ACOT13: variants seen among roughly 807,000 people sequenced by gnomAD.
ACOT13 encodes acyl-CoA thioesterase 13, also known as acyl-coenzyme A thioesterase 13.
ACOT13 carries 10 observed loss-of-function variants against 11.8 expected under a neutral mutation model. The observed-to-expected ratio is 0.85, with a 90% CI of 0.53 to 1.44. The LOEUF (loss-of-function observed/expected upper bound fraction) is 1.44. Among genes scored for constraint, ACOT13 ranks in the 40% most tolerant of loss-of-function variants. ACOT13 has a pLI of 0.00. For synonymous variants in ACOT13, 53 were observed against 61.0 expected, an observed-to-expected ratio of 0.87 and a Z score of 0.61; for missense variants, 172 against 174.1, an observed-to-expected ratio of 0.99 and a Z score of 0.07.
At chr6:24,678,180 A>G (rs546318878) in intron 1 of ACOT13, among the ~76,000 whole-genome samples, 18 of 152,304 alleles carry the variant, frequency 1.2e-4, no homozygotes, top group African/African-American at 3.8e-4. Context: ...ATTGGGTTCA[A>G]AGGATCTTCA....
chr6:24,697,809 T>G, intron 1 of ACOT13, 74 bp from the exon 2 acceptor site: 8 of 1,253,410 alleles, frequency 6.4e-6, no homozygotes, highest in African/African-American at 1.5e-5. Context: ...GTTCAATCCA[T>G]TGTTCTTCAT....
chr6:24,680,587 G>C (rs796649361), intron 1 of ACOT13, among the ~76,000 whole-genome samples: 2 of 152,222 alleles, frequency 1.3e-5, no homozygotes, highest in African/African-American at 4.8e-5. Context: ...TAGCAGTCCT[G>C]CACCTATTTT....
chr6:24,672,512 G>A (rs12210663), intron 1 of ACOT13, among the ~76,000 whole-genome samples: 22,312 of 152,112 alleles, frequency 0.15, 1,843 homozygotes, highest in Non-Finnish European at 0.19. Flanking sequence ...GGTGGCACGC[G>A]TCTGTAGTCC....
At chr6:24,677,515 C>A (rs940368072) in intron 1 of ACOT13, among the ~76,000 whole-genome samples, 4 of 152,238 alleles carry the variant, frequency 2.6e-5, no homozygotes, top group African/African-American at 9.6e-5. Context: ...ACATCAATTT[C>A]CTTACTCAGG....
Position 24,685,332 on chromosome 6 carries a change from C to CTTTT in ACOT13, c.82-12522_82-12519dup, listed in dbSNP as rs563020332. Among the ~76,000 whole-genome samples the CTTTT allele has an allele frequency of 6.1e-4, 71 of 116,730 alleles. 4 individuals are homozygous for CTTTT. The highest frequency in any genetic ancestry group is 9.4e-4 in the Non-Finnish European group (52 of 55,502). The allele number at this position is 116,730 out of a possible 152,430, so 76.6% of individuals were successfully genotyped here. A position where few individuals can be genotyped will look rare whatever the true frequency, so the allele number is the denominator to read the frequency against. ...ACATGGTCTCTTTCCTTTTACTGTA[C>CTTTT]TTTTTTTTTTTTTTTTTTTTTTTTT... On this transcript the variant is annotated intron_variant, in intron 1 of 2. Coordinates refer to ENST00000230048, the MANE Select transcript of ACOT13 (RefSeq NM_018473.4).
rs1341369764 is a variant in ACOT13, at chr6:24,704,358, A to C, written c.*2743A>C. The C allele has an allele frequency of 2.6e-5, 4 of 152,232 alleles. No individual in the cohort carries two copies. The highest frequency in any genetic ancestry group is 9.6e-5 in the African/African-American group (4 of 41,460). 9.4% of individuals were successfully genotyped at this position (152,232 alleles called of 1,614,324 possible). A position where few individuals can be genotyped will look rare whatever the true frequency, so the allele number is the denominator to read the frequency against. ...ATAAAAACGTAAACAATGGCTGCCA[A>C]AATGCCTAACTTGGTGAACATAAGT... On this transcript the variant is annotated 3_prime_UTR_variant, in exon 3 of 3. Transcript: ENST00000230048.
At chr6:24,696,097 C>G (rs1778791254) in intron 1 of ACOT13, among the ~76,000 whole-genome samples, 1 of 152,010 alleles carries the variant, frequency 6.6e-6, no homozygotes. Context: ...ACAAAAAACC[C>G]AACAACAAAA....
intron 2 of ACOT13, among the ~76,000 whole-genome samples, chr6:24,698,378 C>G (rs1778833973): frequency 6.6e-6 from 1 of 152,190 alleles, no homozygotes; most frequent in Admixed American, 6.5e-5. Flanking sequence ...ATAACTGTTT[C>G]ATACAGTCCT....
intron 1 of ACOT13, among the ~76,000 whole-genome samples, chr6:24,676,799 C>T (rs1028529599): frequency 6.6e-6 from 1 of 152,180 alleles, no homozygotes; most frequent in Non-Finnish European, 1.5e-5. Flanking sequence ...TCTGGTGACT[C>T]TGGCAGTGTA....
intron 1 of ACOT13, among the ~76,000 whole-genome samples, chr6:24,682,087 C>A (rs1440848509): frequency 2.0e-5 from 3 of 152,300 alleles, no homozygotes; most frequent in African/African-American, 7.2e-5. Flanking sequence ...CGTCCCCAAC[C>A]CAGAAGGGTT....
At chr6:24,689,253 T>TA (rs1006076716) in intron 1 of ACOT13, among the ~76,000 whole-genome samples, 6 of 151,984 alleles carry the variant, frequency 3.9e-5, no homozygotes, top group East Asian at 1.9e-4. Flanking sequence ...TTTGTGATGG[T>TA]AAAAAAAATA....
rs1562164508 is a variant in ACOT13 at position 24,702,155 on chromosome 6, G to A, written c.*540G>A. On this transcript the variant is annotated 3_prime_UTR_variant, in exon 3 of 3. Transcript: ENST00000230048. ...AAATGGAGTCTCGCTCTGTTGCCCA[G>A]GCTGGAGTACAGCAGCACGATCTCG... 1 of 152,558 alleles carries A rather than the reference G, an allele frequency of 6.6e-6. No homozygotes were observed. The highest frequency in any genetic ancestry group is 2.1e-4 in the South Asian group (1 of 4,844). The allele number at this position is 152,558 out of a possible 1,614,324, so 9.5% of individuals were successfully genotyped here. A position where few individuals can be genotyped will look rare whatever the true frequency, so the allele number is the denominator to read the frequency against.
chr6:24,688,195 T>C lies in ACOT13; in HGVS notation c.82-9688T>C, dbSNP rs191417175. Among the ~76,000 whole-genome samples the C allele has an allele frequency of 3.8e-3, 585 of 152,184 alleles. 4 individuals carry two copies. Among genetic ancestry groups the C allele is most frequent in the African/African-American group, 0.013 (536 of 41,516 alleles). The stretch of plus-strand genomic sequence containing the variant: ...CAAGACAAAATAAGGCATTTTTTTT[T>C]CAAAGATCTATGCACAAAAAAATTT... On this transcript the variant is annotated intron_variant, in intron 1 of 2. Transcript: ENST00000230048.
intron 1 of ACOT13, among the ~76,000 whole-genome samples, chr6:24,673,796 A>C (rs188696166): frequency 6.6e-6 from 1 of 152,344 alleles, no homozygotes; most frequent in Non-Finnish European, 1.5e-5. Context: ...TTTCCTTTTA[A>C]TTGTAAACAT....
chr6:24,673,340 T>C (rs1475578828), intron 1 of ACOT13, among the ~76,000 whole-genome samples: 1 of 152,062 alleles, frequency 6.6e-6, no homozygotes, highest in African/African-American at 2.4e-5. Context: ...GAACTTTCAG[T>C]TTTAAAAAAA....
At chr6:24,692,029 A>C (rs568588080) in intron 1 of ACOT13, among the ~76,000 whole-genome samples, 1 of 152,274 alleles carries the variant, frequency 6.6e-6, no homozygotes, top group South Asian at 2.1e-4. Context: ...AAATAGGGAG[A>C]TAAATTGGAA....
In ACOT13 at chr6:24,703,354, T is replaced by C. The variant is rs1778927960; in HGVS notation, c.*1739T>C. On this transcript the variant is annotated 3_prime_UTR_variant, in exon 3 of 3. Transcript: ENST00000230048. ...AGGGCAGAAGACTCCACAGTAGCAA[T>C]AGCAGCAGTGAGCATACAGGAGTCC... 1 of 152,234 alleles carries C rather than the reference T, an allele frequency of 6.6e-6. No homozygotes were observed. Among genetic ancestry groups the C allele is most frequent in the African/African-American group, 2.4e-5 (1 of 41,456 alleles). The allele number at this position is 152,234 out of a possible 1,614,324, so 9.4% of individuals were successfully genotyped here.
rs112965562 is a variant in ACOT13, at chr6:24,682,169, T to A, written c.81+14825T>A. The stretch of plus-strand genomic sequence containing the variant: ...TTAAGTCCGGCGGCCACGCTAATCG[T>A]TTTTAACTGGCTGACAGGTGCCCAG... On this transcript the variant is annotated intron_variant, in intron 1 of 2. Coordinates refer to ENST00000230048, the MANE Select transcript of ACOT13 (RefSeq NM_018473.4). Among the ~76,000 whole-genome samples the A allele has an allele frequency of 9.4e-3, 1,436 of 152,308 alleles. 15 individuals carry two copies. The highest frequency in any genetic ancestry group is 0.015 in the Non-Finnish European group (1,000 of 68,022).
chr6:24,673,947 C>G (rs1373938586), intron 1 of ACOT13, among the ~76,000 whole-genome samples: 1 of 152,216 alleles, frequency 6.6e-6, no homozygotes, highest in African/African-American at 2.4e-5. Flanking sequence ...AGCTTTCTTA[C>G]CACATACAAA....
Sources: gnomAD v4.1 joint callset for allele counts (sites outside exome capture counted in the v4.1 genomes callset) on GRCh38, gnomAD v4.1.1 for gene constraint, MANE v1.5 for transcripts, NCBI Gene and HGNC (gene_info 2026-07-23, HGNC 2026-07-21) for gene names.